The following DYM variants were observed in gnomAD, a reference collection of about 807,000 sequenced individuals.
The protein encoded by DYM is dymeclin.
Under a neutral mutation model 93.1 loss-of-function variants are expected in DYM, and 78 were observed. The ratio of observed to expected loss-of-function variants is 0.84; its 90% CI spans 0.70 to 1.01. DYM has a LOEUF of 1.01. Ranked by LOEUF, DYM falls within the 50% of genes least tolerant of loss-of-function variation. DYM has a pLI of 0.00. For missense variants in DYM, 789 were observed against 845.0 expected, an observed-to-expected ratio of 0.93 and a Z score of 0.82; for synonymous variants, 321 against 319.7, an observed-to-expected ratio of 1.00 and a Z score of -0.04.
chr18:49,109,029 CT>C (rs57905408), intron 16 of DYM, among the ~76,000 whole-genome samples: 25,011 of 147,368 alleles, frequency 0.17, 2,285 homozygotes, highest in East Asian at 0.38. Context: ...CATCCTACCC[CT>C]TTTTTTTTTT....
At chr18:49,084,822 T>C (rs1262161494) in intron 17 of DYM, among the ~76,000 whole-genome samples, 1 of 152,188 alleles carries the variant, frequency 6.6e-6, no homozygotes, top group African/African-American at 2.4e-5. Context: ...GTTTCATTTA[T>C]GAAAAGGTCA....
At position 49,286,595 on chromosome 18, in the gene DYM, G is replaced by C. The variant is rs746050877; in HGVS notation, c.785C>G (p.Thr262Arg). 1.9e-6 allele frequency: 3 copies of C among 1,613,996 alleles called. No individual in the cohort carries two copies. Among genetic ancestry groups the C allele is most frequent in the Non-Finnish European group, 2.5e-6 (3 of 1,179,966 alleles). Residue 262 changes from threonine to arginine, a missense_variant, in exon 9 of 18, where the codon ACA (threonine) becomes AGA (arginine). Transcript: ENST00000675505. Reference protein sequence around the residue: ...GVATGLWTVFTLGGVGSKAAA... With the variant: ...GVATGLWTVFRLGGVGSKAAA... ...CGCTTTGCTGCCCACACCACCTAGT[G>C]TGAAGACAGTCCAGAGTCCTGCTGG...
intron 17 of DYM, among the ~76,000 whole-genome samples, chr18:49,044,951 G>A (rs1321764238): frequency 6.6e-6 from 1 of 152,276 alleles, no homozygotes; most frequent in African/African-American, 2.4e-5. Context: ...TTGCGTTTTA[G>A]CACATCACTG....
At chr18:49,110,413 G>A (rs833501) in intron 16 of DYM, among the ~76,000 whole-genome samples, 142,570 of 152,274 alleles carry the variant, frequency 0.94, 66,805 homozygotes, top group East Asian at 1. Flanking sequence ...CACACTAGCA[G>A]TAAGTTCTCT....
chr18:49,065,037 T>C (rs979669537), intron 17 of DYM, among the ~76,000 whole-genome samples: 4 of 152,122 alleles, frequency 2.6e-5, no homozygotes, highest in South Asian at 4.2e-4. Context: ...TCTGAAAGCA[T>C]TGAACTGTTT....
chr18:49,343,194 A>C (rs976968829), intron 6 of DYM, among the ~76,000 whole-genome samples: 2 of 152,196 alleles, frequency 1.3e-5, no homozygotes, highest in Non-Finnish European at 1.5e-5. Context: ...TGCCCACCCC[A>C]CTAAGAATAA....
At chr18:49,293,672 C>CT (rs2060324567) in intron 8 of DYM, among the ~76,000 whole-genome samples, 2 of 151,922 alleles carry the variant, frequency 1.3e-5, no homozygotes, top group Non-Finnish European at 2.9e-5. Flanking sequence ...GGGTTGTTTG[C>CT]TTTTTTTCTT....
intron 1 of DYM, among the ~76,000 whole-genome samples, chr18:49,438,497 C>T (rs73445784): frequency 0.031 from 4,694 of 152,180 alleles, 242 homozygotes; most frequent in African/African-American, 0.11. Context: ...AAATAGCATC[C>T]CAGAGCAGGC....
At chr18:49,322,207 A>C (rs1418497200) in intron 8 of DYM, among the ~76,000 whole-genome samples, 1 of 152,122 alleles carries the variant, frequency 6.6e-6, no homozygotes, top group African/African-American at 2.4e-5. Flanking sequence ...TTGCAAGCAA[A>C]GGAAAAAAAA....
At chr18:49,392,302 G>A (rs1193136941) in intron 2 of DYM, among the ~76,000 whole-genome samples, 1 of 152,064 alleles carries the variant, frequency 6.6e-6, no homozygotes, top group Non-Finnish European at 1.5e-5. Flanking sequence ...TTTCTTGGAT[G>A]TGACACCAAA....
intron 17 of DYM, among the ~76,000 whole-genome samples, chr18:49,090,635 A>G (rs954272971): frequency 6.6e-6 from 1 of 152,226 alleles, no homozygotes; most frequent in Non-Finnish European, 1.5e-5. Context: ...AGAATGAACC[A>G]GAAAAAGCAA....
intron 15 of DYM, among the ~76,000 whole-genome samples, chr18:49,140,432 A>G (rs753035569): frequency 5.3e-5 from 8 of 152,188 alleles, no homozygotes; most frequent in Non-Finnish European, 1.2e-4. Flanking sequence ...CTGCAATCTC[A>G]TGGAAATAAT....
intron 10 of DYM, among the ~76,000 whole-genome samples, chr18:49,273,319 T>C (rs1178264446): frequency 6.6e-6 from 1 of 152,178 alleles, no homozygotes; most frequent in Non-Finnish European, 1.5e-5. Context: ...TCTGTCTCTT[T>C]TCCCAGGCAT....
intron 15 of DYM, among the ~76,000 whole-genome samples, chr18:49,151,616 C>T (rs1220290131): frequency 6.6e-6 from 1 of 152,156 alleles, no homozygotes; most frequent in African/African-American, 2.4e-5. Context: ...TCATTCATCC[C>T]ACATAAAACA....
intron 2 of DYM, among the ~76,000 whole-genome samples, chr18:49,397,486 G>A (rs527384313): frequency 1.3e-5 from 2 of 152,328 alleles, no homozygotes; most frequent in African/African-American, 2.4e-5. Flanking sequence ...TTAGAGCCTG[G>A]TGACTTGGTT....
chr18:49,217,351 C>A (rs2093117569), intron 13 of DYM, among the ~76,000 whole-genome samples: 1 of 152,162 alleles, frequency 6.6e-6, no homozygotes, highest in South Asian at 2.1e-4. Flanking sequence ...TCCAGGAGAA[C>A]TTCCCCAATC....
At chr18:49,068,253 C>G (rs1158082172) in intron 17 of DYM, among the ~76,000 whole-genome samples, 1 of 152,180 alleles carries the variant, frequency 6.6e-6, no homozygotes, top group African/African-American at 2.4e-5. Context: ...GATCTGCCCC[C>G]ACCAGCCTGG....
intron 13 of DYM, among the ~76,000 whole-genome samples, chr18:49,219,950 G>C (rs1048422720): frequency 2.7e-5 from 4 of 148,488 alleles, no homozygotes; most frequent in African/African-American, 9.8e-5. Flanking sequence ...ATTAGAAAAA[G>C]AGGAAGTCAA....
chr18:49,219,171 T>C (rs2093226315), intron 13 of DYM, among the ~76,000 whole-genome samples: 1 of 152,054 alleles, frequency 6.6e-6, no homozygotes, highest in Non-Finnish European at 1.5e-5. Context: ...ATGGATAAAT[T>C]CCTCGACACA....
Sources: allele counts gnomAD v4.1 joint callset (sites outside exome capture counted in the v4.1 genomes callset), GRCh38; gene constraint gnomAD v4.1.1; transcripts MANE v1.5; gene names NCBI Gene and HGNC (gene_info 2026-07-23, HGNC 2026-07-21).